SRCAP: variants seen among roughly 807,000 people sequenced by gnomAD.
The protein encoded by SRCAP is chromatin remodeling protein SRCAP.
In SRCAP, 46 loss-of-function variants were observed where a neutral mutation model predicts 263.1. The observed-to-expected ratio is 0.17, with a 90% CI of 0.14 to 0.22. The LOEUF (loss-of-function observed/expected upper bound fraction) is 0.22, where lower values mean the gene tolerates loss of function less well. Among genes scored for constraint, SRCAP ranks in the 10% least tolerant of loss-of-function variants. The probability of loss-of-function intolerance (pLI) is 1.00; values close to 1 mark genes in which losing one functional copy is unlikely to be tolerated. For synonymous variants in SRCAP, 1,813 were observed against 1,662.1 expected (o/e 1.09, Z -2.21); for missense variants, 3,695 against 4,181.9 (o/e 0.88, Z 3.21).
intron 13 of SRCAP, 48 bp downstream of exon 13, chr16:30,712,487 G>A: frequency 6.5e-7 from 1 of 1,534,746 alleles, no homozygotes; most frequent in Non-Finnish European, 8.7e-7. Context: ...CTAGCTCCCT[G>A]GGAGCTTGTT....
At chr16:30,721,167 G>A in intron 20 of SRCAP, 22 bp from the exon 21 acceptor site, 1 of 1,582,432 alleles carries the variant, frequency 6.3e-7, no homozygotes, top group Non-Finnish European at 8.6e-7. Context: ...ATATCTGACA[G>A]GTGTTTGCTT....
Position 30,709,611 on chromosome 16 carries a change from G to C in SRCAP, c.732G>C (p.Ser244=). 1 of 1,614,112 alleles carries C rather than the reference G, an allele frequency of 6.2e-7. No homozygotes were observed. The highest frequency in any genetic ancestry group is 8.5e-7 in the Non-Finnish European group (1 of 1,180,020). ...DFIVGQTEKY[S]DLLSQSLNQP... ...TTGTGGGGCAAACTGAAAAGTACTC[G>C]GACCTTCTGTCTCAGAGCCTCAACC... The change falls in exon 7 of 34, where the codon TCG becomes TCC. Residue 244 remains serine (S), a synonymous_variant. Transcript: ENST00000262518.
chr16:30,712,542 G>T, intron 13 of SRCAP, 103 bp downstream of exon 13: 1 of 1,516,060 alleles, frequency 6.6e-7, no homozygotes, highest in Non-Finnish European at 8.9e-7. Context: ...ATTGACTCCG[G>T]TCATTAACTG....
At chr16:30,735,605 G>T (rs114756123) in intron 31 of SRCAP, among the ~76,000 whole-genome samples, 59 of 108,536 alleles carry the variant, frequency 5.4e-4, no homozygotes, top group African/African-American at 2.1e-3. Flanking sequence ...CGGAGTCACG[G>T]AGTCTTGCTC....
In SRCAP at chr16:30,733,504, C is replaced by T; in HGVS notation, c.6297+55C>T. On this transcript the variant is annotated intron_variant, in intron 28 of 33. Coordinates refer to ENST00000262518, the MANE Select transcript of SRCAP (RefSeq NM_006662.3). The surrounding 1 kb of genome is among the most constrained non-coding windows in gnomAD (Gnocchi z 5.3). Reference sequence around the variant, plus strand: ...CTCACCTCCGCTTCTCTCTCCTTTTCCCAGGATTTGGGCTTCCAGACGGGG... The same window carrying T: ...CTCACCTCCGCTTCTCTCTCCTTTTTCCAGGATTTGGGCTTCCAGACGGGG... The T allele has an allele frequency of 6.2e-7, 1 of 1,609,420 alleles. No homozygotes were observed. The highest frequency in any genetic ancestry group is 8.5e-7 in the Non-Finnish European group (1 of 1,176,838).
chr16:30,726,020 T>C (rs2053061153), intron 25 of SRCAP: 2 of 152,200 alleles, frequency 1.3e-5, no homozygotes, highest in Admixed American at 1.3e-4. Flanking sequence ...AAAGAAACGC[T>C]GCACCTGTTA....
At chr16:30,700,587 CTTT>C (rs746816750) in intron 2 of SRCAP, 26 bp from the exon 3 acceptor site, 1,305 of 345,816 alleles carry the variant, frequency 3.8e-3, no homozygotes, top group East Asian at 5.1e-3. Context: ...GCATTTCTGT[CTTT>C]TTTTTTTTTT....
rs58723456 is a variant in SRCAP at position 30,704,319 on chromosome 16, C to T, written c.306+4C>T. The T allele has an allele frequency of 3.7e-3, 5,919 of 1,587,188 alleles. 187 individuals are homozygous for T. In the African/African-American group the frequency reaches 0.071, roughly 19 times the overall value. On this transcript the variant is annotated splice_donor_region_variant and intron_variant, in intron 4 of 33. Coordinates refer to ENST00000262518, the MANE Select transcript of SRCAP (RefSeq NM_006662.3). ...AATTGCAGAACAGGCCAAGCATGTACGTATTAGAAAGGCTTATGAAGATTC... is the reference window on the plus strand; with the variant it reads ...AATTGCAGAACAGGCCAAGCATGTATGTATTAGAAAGGCTTATGAAGATTC...
chr16:30,723,287 C>T (rs868428592), intron 24 of SRCAP, 58 bp downstream of exon 24: 37 of 1,538,958 alleles, frequency 2.4e-5, no homozygotes, highest in Middle Eastern at 2.2e-4. Context: ...GAGATGGGGT[C>T]GCCTCAAGGT....
intron 32 of SRCAP, 40 bp downstream of exon 32, chr16:30,736,434 C>A (rs1044763871): frequency 3.1e-6 from 5 of 1,605,134 alleles, no homozygotes; most frequent in Non-Finnish European, 3.4e-6. Flanking sequence ...TTACTGCTTC[C>A]CCTGGGCTTG....
chr16:30,739,521 A>G lies in SRCAP; in HGVS notation c.9481A>G (p.Ser3161Gly). 1.9e-6 allele frequency: 3 copies of G among 1,612,594 alleles called. No individual in the cohort carries two copies. ...AAAGCGGGGCCGCCTACAGCCCCCA[A>G]GTCCCCTGGGGCCTGAGGGTTCAGT... ...LAKRGRLQPP[S>G]PLGPEGSVEE... The change falls in exon 34 of 34, where the codon AGT (serine) becomes GGT (glycine). Residue 3161 changes from serine to glycine, a missense_variant. Coordinates refer to ENST00000262518, the MANE Select transcript of SRCAP (RefSeq NM_006662.3).
intron 16 of SRCAP, among the ~76,000 whole-genome samples, chr16:30,714,434 C>G (rs1350262576): frequency 6.6e-6 from 1 of 151,340 alleles, no homozygotes; most frequent in Admixed American, 6.6e-5. Context: ...TGGTCTCGAT[C>G]TCCTGACCTC....
rs201527246 is a variant in SRCAP, at chr16:30,722,767, C to A, written c.3892+19C>A. 5.0e-5 allele frequency: 80 copies of A among 1,596,188 alleles called. No individual in the cohort carries two copies. The highest frequency in any genetic ancestry group is 6.5e-5 in the Non-Finnish European group (76 of 1,168,102). On this transcript the variant is annotated intron_variant, in intron 23 of 33. Coordinates refer to ENST00000262518, the MANE Select transcript of SRCAP (RefSeq NM_006662.3). Reference sequence around the variant, plus strand: ...AACCAGGGTGAGGCTCCTGGCCTTCCTACTTAGCCCTTGCTGGCCTTGGTC... The same window carrying A: ...AACCAGGGTGAGGCTCCTGGCCTTCATACTTAGCCCTTGCTGGCCTTGGTC...
intron 6 of SRCAP, among the ~76,000 whole-genome samples, chr16:30,708,701 A>AT (rs2052854319): frequency 6.6e-6 from 1 of 152,020 alleles, no homozygotes; most frequent in African/African-American, 2.4e-5. Context: ...GCCTAAAAAT[A>AT]TTTTTTTGTG....
rs369964961 is a variant in SRCAP, at chr16:30,716,438, G to T, written c.2776G>T (p.Ala926Ser). 15 of 1,614,012 alleles carry T rather than the reference G, an allele frequency of 9.3e-6. No homozygotes were observed. The highest frequency in any genetic ancestry group is 1.3e-5 in the African/African-American group (1 of 74,908). Residue 926 changes from alanine to serine, a missense_variant, in exon 18 of 34, where the codon GCC becomes TCC. By Grantham distance (99) the Ala-to-Ser change is moderately conservative (BLOSUM62 1). Coordinates refer to ENST00000262518, the MANE Select transcript of SRCAP (RefSeq NM_006662.3). ...CACCCCAGGCATCTGCTTCAGCACC[G>T]CCTCTCTGGTGCTAAGGGCCACGGA... ...FITPGICFST[A>S]SLVLRATDVH...
At chr16:30,707,517 T>G in intron 5 of SRCAP, 55 bp from the exon 6 acceptor site, 1 of 1,607,680 alleles carries the variant, frequency 6.2e-7, no homozygotes, top group Middle Eastern at 1.9e-4. Context: ...TTCTTTGCCT[T>G]TGGGTGGGGA....
At chr16:30,716,224 G>A in intron 17 of SRCAP, 22 bp downstream of exon 17, 1 of 1,613,764 alleles carries the variant, frequency 6.2e-7, no homozygotes, top group Non-Finnish European at 8.5e-7. Context: ...AGGAGGGTGG[G>A]CCCTGGGACT....
At position 30,700,605 on chromosome 16, in the gene SRCAP, C is replaced by A; in HGVS notation, c.-209-11C>A. 8.7e-5 allele frequency: 31 copies of A among 357,592 alleles called. No individual in the cohort carries two copies. The highest frequency in any genetic ancestry group is 2.1e-4 in the East Asian group (5 of 23,746). The allele number at this position is 357,592 out of a possible 1,614,324, so 22.2% of individuals were successfully genotyped here. A position where few individuals can be genotyped will look rare whatever the true frequency, so the allele number is the denominator to read the frequency against. On this transcript the variant is annotated splice_polypyrimidine_tract_variant and intron_variant, in intron 2 of 33. Coordinates refer to ENST00000262518, the MANE Select transcript of SRCAP (RefSeq NM_006662.3). ...TTTCTGTCTTTTTTTTTTTTTTTAACCCTACTTTAGGTGCTCCAGAGGCTG... is the reference window on the plus strand; with the variant it reads ...TTTCTGTCTTTTTTTTTTTTTTTAAACCTACTTTAGGTGCTCCAGAGGCTG...
At chr16:30,722,013 C>G (rs971554318) in intron 21 of SRCAP, 109 bp from the exon 22 acceptor site, 1 of 1,369,504 alleles carries the variant, frequency 7.3e-7, no homozygotes, top group Admixed American at 2.4e-5. Flanking sequence ...GTGGGAAGGG[C>G]TTAGTTGTTT....
Sources: gnomAD v4.1 joint callset for allele counts (sites outside exome capture counted in the v4.1 genomes callset) on GRCh38, gnomAD v4.1.1 for gene constraint, Gnocchi (gnomAD v3.1) non-coding constraint, MANE v1.5 for transcripts, NCBI Gene and HGNC (gene_info 2026-07-23, HGNC 2026-07-21) for gene names.